Variants in RNF4 observed in about 807,000 individuals in gnomAD.
RNF4 encodes the protein E3 ubiquitin-protein ligase RNF4.
In RNF4, 7 loss-of-function variants were observed where a neutral mutation model predicts 24.3. The observed-to-expected ratio is 0.29, with a 90% CI of 0.16 to 0.54. The LOEUF is 0.54. Ranked by LOEUF, RNF4 falls within the 20% of genes least tolerant of loss-of-function variation. RNF4 has a pLI of 0.95. For synonymous variants in RNF4, 83 were observed against 84.3 expected, an observed-to-expected ratio of 0.98 and a Z score of 0.09; for missense variants, 209 against 248.5, an observed-to-expected ratio of 0.84 and a Z score of 1.07.
At chr4:2,485,242 G>A (rs1182451117) in intron 1 of RNF4, among the ~76,000 whole-genome samples, 5 of 152,162 alleles carry the variant, frequency 3.3e-5, no homozygotes, top group Admixed American at 3.3e-4. Context: ...GAGCTCACTG[G>A]CCGCCTTTCA....
chr4:2,480,530 C>A (rs1735215524), intron 1 of RNF4: 1 of 151,996 alleles, frequency 6.6e-6, no homozygotes, highest in Non-Finnish European at 1.5e-5. Flanking sequence ...ACCTTGGCCT[C>A]CCAGAGTGCT....
At chr4:2,498,944 C>A (rs1735823887) in intron 3 of RNF4, among the ~76,000 whole-genome samples, 1 of 152,030 alleles carries the variant, frequency 6.6e-6, no homozygotes, top group Non-Finnish European at 1.5e-5. Context: ...CTCCTATAAT[C>A]CCAGCACTTT....
chr4:2,512,949 C>A lies in RNF4; in HGVS notation c.375-134C>A. On this transcript the variant is annotated intron_variant, in intron 6 of 7. Coordinates refer to ENST00000314289, the MANE Select transcript of RNF4 (RefSeq NM_002938.5). The surrounding 1 kb of genome is among the most constrained non-coding windows in gnomAD (Gnocchi z 4.1). Reference sequence around the variant, plus strand: ...GCAGTTGGCTTTCCTGAAAGTCTCTCGGATGCCCGCGCTAAGGCAGAGTCA... The same window carrying A: ...GCAGTTGGCTTTCCTGAAAGTCTCTAGGATGCCCGCGCTAAGGCAGAGTCA... 1.2e-6 allele frequency: 1 copy of A among 863,290 alleles called. No homozygotes were observed. Among genetic ancestry groups the A allele is most frequent in the Non-Finnish European group, 1.9e-6 (1 of 529,206 alleles). The allele number at this position is 863,290 out of a possible 1,614,324, so 53.5% of individuals were successfully genotyped here.
intron 1 of RNF4, among the ~76,000 whole-genome samples, chr4:2,485,168 G>C (rs1018323539): frequency 6.6e-6 from 1 of 152,088 alleles, no homozygotes; most frequent in Non-Finnish European, 1.5e-5. Flanking sequence ...GTTTGGGCTG[G>C]GACTGCGACT....
chr4:2,483,084 C>G (rs542606493), intron 1 of RNF4, among the ~76,000 whole-genome samples: 69 of 152,286 alleles, frequency 4.5e-4, no homozygotes, highest in Non-Finnish European at 8.1e-4. Context: ...TGATATAATA[C>G]CTATTTATTA....
In RNF4 at chr4:2,511,885, A is replaced by G. The variant is rs573148195; in HGVS notation, c.205-71A>G. The G allele has an allele frequency of 1.1e-5, 16 of 1,493,012 alleles. No individual in the cohort carries two copies. In the African/African-American group the frequency reaches 1.7e-4, roughly 15 times the overall value. The allele number at this position is 1,493,012 out of a possible 1,614,324, so 92.5% of individuals were successfully genotyped here. ...GGGTGTCACACGTCAGAAAAAAGAA[A>G]TGGCTTCGTTTATCACTTATATCAA... On this transcript the variant is annotated intron_variant, in intron 4 of 7. Coordinates refer to ENST00000314289, the MANE Select transcript of RNF4 (RefSeq NM_002938.5).
At chr4:2,472,075 C>T (rs1452917537) in intron 1 of RNF4, among the ~76,000 whole-genome samples, 1 of 152,178 alleles carries the variant, frequency 6.6e-6, no homozygotes, top group African/African-American at 2.4e-5. Flanking sequence ...AGAGAAAGGT[C>T]AATGCCTGGC....
Position 2,497,077 on chromosome 4 carries a change from C to G in RNF4, c.80C>G (p.Pro27Arg). 1 of 1,609,880 alleles carries G rather than the reference C, an allele frequency of 6.2e-7. No individual in the cohort carries two copies. Among genetic ancestry groups the G allele is most frequent in the Non-Finnish European group, 8.5e-7 (1 of 1,178,150 alleles). Residue 27 changes from proline to arginine, a missense_variant, in exon 3 of 8, where the codon CCC becomes CGC. Pro to Arg is a moderately radical substitution (Grantham distance 103, BLOSUM62 -2). Around this residue, in one of 3 missense-constraint regions of RNF4, gnomAD observed 182 missense variants for 197.2 expected, o/e 0.92. Transcript: ENST00000314289. ...QKRTREATSTPEISLEAEPIE... is the reference protein window; with the variant it reads ...QKRTREATSTREISLEAEPIE... ...CGAACTCGGGAAGCAACCTCCACCC[C>G]CGAGATCTCCTTGGAAGCAGAACCC...
intron 1 of RNF4, among the ~76,000 whole-genome samples, chr4:2,475,687 T>C (rs1037834745): frequency 6.6e-6 from 1 of 152,184 alleles, no homozygotes; most frequent in South Asian, 2.1e-4. Flanking sequence ...TCTTGCCCTT[T>C]TGTCCAGGCT....
At chr4:2,483,779 G>A (rs1400817153) in intron 1 of RNF4, among the ~76,000 whole-genome samples, 1 of 152,054 alleles carries the variant, frequency 6.6e-6, no homozygotes, top group East Asian at 1.9e-4. Context: ...ACTCCAGCCT[G>A]GGTGACAGAA....
intron 1 of RNF4, among the ~76,000 whole-genome samples, chr4:2,490,074 C>T (rs1043544048): frequency 3.3e-5 from 5 of 152,080 alleles, no homozygotes; most frequent in Non-Finnish European, 5.9e-5. Flanking sequence ...CAGCAGTTAG[C>T]ACGGTACCTT....
intron 1 of RNF4, among the ~76,000 whole-genome samples, chr4:2,477,952 A>T (rs948948503): frequency 1.3e-5 from 2 of 152,108 alleles, no homozygotes; most frequent in Non-Finnish European, 2.9e-5. Flanking sequence ...AAAGTTTGGA[A>T]CTCGCTAGAG....
intron 1 of RNF4, among the ~76,000 whole-genome samples, chr4:2,472,509 C>T (rs780736263): frequency 4.7e-5 from 7 of 149,428 alleles, no homozygotes; most frequent in Non-Finnish European, 7.4e-5. Flanking sequence ...CGCAGCACTT[C>T]GGGAGGCCAA....
At chr4:2,473,356 C>T (rs932839182) in intron 1 of RNF4, among the ~76,000 whole-genome samples, 2 of 152,080 alleles carry the variant, frequency 1.3e-5, no homozygotes, top group Non-Finnish European at 2.9e-5. Flanking sequence ...TGCACTACAG[C>T]CTGGGCAACA....
At chr4:2,506,656 C>T (rs1473903694) in intron 4 of RNF4, among the ~76,000 whole-genome samples, 1 of 151,928 alleles carries the variant, frequency 6.6e-6, no homozygotes, top group Non-Finnish European at 1.5e-5. Context: ...CAGCCTGTAC[C>T]TTCTGGGCTC....
At chr4:2,498,830 G>C (rs908978844) in intron 3 of RNF4, among the ~76,000 whole-genome samples, 16 of 152,192 alleles carry the variant, frequency 1.1e-4, no homozygotes, top group South Asian at 4.1e-4. Context: ...CATTGAGGCT[G>C]CAGTGAGCCG....
chr4:2,498,260 T>C (rs779851708), intron 3 of RNF4, among the ~76,000 whole-genome samples: 14 of 152,118 alleles, frequency 9.2e-5, no homozygotes, highest in African/African-American at 3.4e-4. Flanking sequence ...CTCGGCTCAC[T>C]GCAACCTCTG....
At chr4:2,488,663 T>G (rs1482920151) in intron 1 of RNF4, among the ~76,000 whole-genome samples, 1 of 152,076 alleles carries the variant, frequency 6.6e-6, no homozygotes, top group African/African-American at 2.4e-5. Flanking sequence ...TTCCAAACAC[T>G]CTCTTGTAAT....
chr4:2,508,000 C>T (rs1736151416), intron 4 of RNF4, among the ~76,000 whole-genome samples: 2 of 152,200 alleles, frequency 1.3e-5, no homozygotes, highest in South Asian at 4.2e-4. Flanking sequence ...ACTACAGGTA[C>T]ACACTGCCAT....
Sources: allele counts gnomAD v4.1 joint callset (sites outside exome capture counted in the v4.1 genomes callset), GRCh38; gene constraint gnomAD v4.1.1; regional missense constraint gnomAD v4.1.1; non-coding constraint Gnocchi (gnomAD v3.1); transcripts MANE v1.5; gene names NCBI Gene and HGNC (gene_info 2026-07-23, HGNC 2026-07-21).